The following AFF3 variants were observed in gnomAD, a reference collection of about 807,000 sequenced individuals.
The protein encoded by AFF3 is ALF transcription elongation factor 3.
In AFF3, 32 loss-of-function variants were observed where a neutral mutation model predicts 129.7. The ratio of observed to expected loss-of-function variants is 0.25; its 90% confidence interval spans 0.19 to 0.33. The LOEUF (loss-of-function observed/expected upper bound fraction) is 0.33, where lower values mean the gene tolerates loss of function less well. Ranked by LOEUF, AFF3 falls within the 10% of genes least tolerant of loss-of-function variation. The pLI is 1.00. For missense variants in AFF3, 1,373 were observed against 1,592.0 expected, an observed-to-expected ratio of 0.86 and a Z score of 2.34; for synonymous variants, 644 against 635.4, an observed-to-expected ratio of 1.01 and a Z score of -0.20.
Position 99,550,275 on chromosome 2 carries a change from GC to G in AFF3, c.*1198del. The G allele has an allele frequency of 4.3e-6, 1 of 231,270 alleles. No homozygotes were observed. The highest frequency in any genetic ancestry group is 6.1e-5 in the East Asian group (1 of 16,326). 14.3% of individuals were successfully genotyped at this position (231,270 alleles called of 1,614,324 possible). On this transcript the variant is annotated 3_prime_UTR_variant, in exon 25 of 25. Transcript: ENST00000672756. ...ACAGGAAGAGGCTCTGGTTGCTGCTGCCCCAGAAAGGAACTGTGATCTTCTG... is the reference window on the plus strand; with the variant it reads ...ACAGGAAGAGGCTCTGGTTGCTGCTGCCCAGAAAGGAACTGTGATCTTCTG...
chr2:99,899,241 T>A (rs761165125), intron 7 of AFF3, among the ~76,000 whole-genome samples: 23 of 152,226 alleles, frequency 1.5e-4, no homozygotes, highest in African/African-American at 4.8e-5. Flanking sequence ...ACTCTCCTAA[T>A]CTTGGCAAGT....
chr2:99,553,917 C>CAAAAAAAAAAAAAAAAAAAAAA (rs1674649199), intron 24 of AFF3, among the ~76,000 whole-genome samples: 1 of 72,454 alleles, frequency 1.4e-5, no homozygotes. Context: ...CTGTCTCAAA[C>CAAAAAAAAAAAAAAAAAAAAAA]CAAAAAAAAA....
At chr2:100,024,996 A>G (rs937492742) in intron 4 of AFF3, among the ~76,000 whole-genome samples, 1 of 152,160 alleles carries the variant, frequency 6.6e-6, no homozygotes, top group Admixed American at 6.5e-5. Flanking sequence ...ACAAAGCATT[A>G]TGTTTTAAAA....
chr2:99,907,787 C>T (rs1694821234), intron 7 of AFF3, among the ~76,000 whole-genome samples: 1 of 152,038 alleles, frequency 6.6e-6, no homozygotes, highest in Non-Finnish European at 1.5e-5. Flanking sequence ...AGCCACTGTG[C>T]CTTGCTGGAA....
chr2:100,076,858 T>C (rs1253571094), intron 4 of AFF3, among the ~76,000 whole-genome samples: 1 of 152,180 alleles, frequency 6.6e-6, no homozygotes, highest in African/African-American at 2.4e-5. Flanking sequence ...GTGCAGTAAG[T>C]AGAAGAATGG....
chr2:99,689,683 A>G (rs1675415088), intron 11 of AFF3, among the ~76,000 whole-genome samples: 1 of 114,702 alleles, frequency 8.7e-6, no homozygotes, highest in African/African-American at 3.4e-5. Context: ...AAAAAAAAAA[A>G]GAGCATTCAC....
chr2:99,904,367 G>A (rs1694560719), intron 7 of AFF3, among the ~76,000 whole-genome samples: 1 of 151,766 alleles, frequency 6.6e-6, no homozygotes, highest in South Asian at 2.1e-4. Context: ...TGAATAGGAT[G>A]GTACTTACAA....
At chr2:99,806,445 C>T (rs1000565141) in intron 8 of AFF3, among the ~76,000 whole-genome samples, 1 of 152,128 alleles carries the variant, frequency 6.6e-6, no homozygotes, top group Non-Finnish European at 1.5e-5. Context: ...GGAGTGTGTG[C>T]CAGGACCCCA....
chr2:99,580,002 C>T (rs1407250778), intron 17 of AFF3, among the ~76,000 whole-genome samples: 1 of 152,188 alleles, frequency 6.6e-6, no homozygotes, highest in Non-Finnish European at 1.5e-5. Context: ...CCAGGAAGCT[C>T]AGATGTCAAC....
At chr2:99,675,681 T>TAA (rs1456394764) in intron 11 of AFF3, among the ~76,000 whole-genome samples, 1 of 152,148 alleles carries the variant, frequency 6.6e-6, no homozygotes, top group Non-Finnish European at 1.5e-5. Context: ...CAATGAAACA[T>TAA]GGTTAGGAGA....
chr2:99,991,901 T>TCAAAAA (rs1224564685), intron 7 of AFF3, among the ~76,000 whole-genome samples: 6 of 144,602 alleles, frequency 4.1e-5, no homozygotes, highest in East Asian at 1.9e-4. Context: ...AGATTTTGTC[T>TCAAAAA]CAAAAACAAA....
intron 7 of AFF3, among the ~76,000 whole-genome samples, chr2:99,950,214 A>G (rs1376830661): frequency 1.3e-5 from 2 of 152,254 alleles, no homozygotes; most frequent in Admixed American, 1.3e-4. Context: ...ATTGTGCAGA[A>G]GCATTAAATG....
At chr2:99,631,383 A>C (rs1016742930) in intron 13 of AFF3, among the ~76,000 whole-genome samples, 15 of 152,248 alleles carry the variant, frequency 9.9e-5, no homozygotes, top group Admixed American at 9.2e-4. Flanking sequence ...ACCAATTTTA[A>C]GTGTTCAGTT....
At chr2:99,661,894 C>A (rs1450678093) in intron 12 of AFF3, among the ~76,000 whole-genome samples, 1 of 152,140 alleles carries the variant, frequency 6.6e-6, no homozygotes, top group Non-Finnish European at 1.5e-5. Context: ...AATGCTAACA[C>A]TTTGGAAGGC....
At chr2:99,925,995 G>T (rs1558980966) in intron 7 of AFF3, among the ~76,000 whole-genome samples, 1 of 152,166 alleles carries the variant, frequency 6.6e-6, no homozygotes, top group Non-Finnish European at 1.5e-5. Context: ...CAGGCATTTT[G>T]ATTAATATCT....
intron 10 of AFF3, among the ~76,000 whole-genome samples, chr2:99,734,068 G>A (rs1680052503): frequency 6.6e-6 from 1 of 152,016 alleles, no homozygotes; most frequent in East Asian, 1.9e-4. Context: ...TTGGTATTAG[G>A]CGTCTCCATT....
rs892232622 is a variant in AFF3 at position 99,594,498 on chromosome 2, C to T, written c.1372-209G>A. ...CTGGATGATGCTGTCCTTACCGGCC[C>T]GTGGCACTAAATGTCCTTGCAGCAC... On this transcript the variant is annotated intron_variant, in intron 14 of 24. Coordinates refer to ENST00000672756, the MANE Select transcript of AFF3 (RefSeq NM_001386135.1). Among the ~76,000 whole-genome samples the T allele has an allele frequency of 9.2e-5, 14 of 152,240 alleles. No individual in the cohort carries two copies. In the South Asian group the frequency reaches 2.7e-3, roughly 29 times the overall value.
chr2:99,815,318 CTG>C (rs1272242145), intron 8 of AFF3, among the ~76,000 whole-genome samples: 1 of 152,198 alleles, frequency 6.6e-6, no homozygotes, highest in African/African-American at 2.4e-5. Context: ...TATGTTCACA[CTG>C]TTGTACGACC....
At position 99,601,617 on chromosome 2, in the gene AFF3, C is replaced by T. The variant is rs750657504; in HGVS notation, c.1189G>A (p.Val397Met). ...TALRALSDSA[V>M]VQQPNCRTSV... Reference sequence around the variant, plus strand: ...GTTCTGCAGTTGGGCTGCTGGACCACGGCGCTGCCAGCCCGCGAGGCCCCC... The same window carrying T: ...GTTCTGCAGTTGGGCTGCTGGACCATGGCGCTGCCAGCCCGCGAGGCCCCC... The change falls in exon 14 of 25, where the codon GTG (valine) becomes ATG (methionine). Residue 397 changes from valine (V) to methionine (M), a missense_variant. By Grantham distance (21) the Val-to-Met change is conservative. Around this residue, in one of 9 missense-constraint regions of AFF3, gnomAD observed 413 missense variants for 424.4 expected, o/e 0.97. Coordinates refer to ENST00000672756, the MANE Select transcript of AFF3 (RefSeq NM_001386135.1). 9.4e-6 allele frequency: 15 copies of T among 1,592,584 alleles called. No homozygotes were observed. Among genetic ancestry groups the T allele is most frequent in the Admixed American group, 3.4e-5 (2 of 58,674 alleles).
Sources: allele counts gnomAD v4.1 joint callset (sites outside exome capture counted in the v4.1 genomes callset), GRCh38; gene constraint gnomAD v4.1.1; regional missense constraint gnomAD v4.1.1; transcripts MANE v1.5; gene names NCBI Gene and HGNC (gene_info 2026-07-23, HGNC 2026-07-21).